ROCK1: variants seen among roughly 807,000 people sequenced by gnomAD.
The protein encoded by ROCK1 is Rho associated coiled-coil containing protein kinase 1, also known as rho-associated protein kinase 1.
A neutral mutation model predicts 196.8 loss-of-function variants in ROCK1; 36 were observed. The ratio of observed to expected loss-of-function variants is 0.18; its 90% CI spans 0.14 to 0.24. The LOEUF is 0.24. Among genes scored for constraint, ROCK1 ranks in the 10% least tolerant of loss-of-function variants. The probability of loss-of-function intolerance (pLI) is 1.00; values close to 1 mark genes in which losing one functional copy is unlikely to be tolerated. For missense variants in ROCK1, 920 were observed against 1,562.0 expected (o/e 0.59, Z 6.93); for synonymous variants, 443 against 515.9 (o/e 0.86, Z 1.91).
chr18:21,000,257 A>G (rs1014850486), intron 16 of ROCK1, among the ~76,000 whole-genome samples: 10 of 150,398 alleles, frequency 6.6e-5, no homozygotes, highest in African/African-American at 2.5e-4. Context: ...TCTATAGTCA[A>G]TTGATTTTCT....
intron 1 of ROCK1, among the ~76,000 whole-genome samples, chr18:21,079,412 A>G (rs1175895448): frequency 6.6e-6 from 1 of 152,222 alleles, no homozygotes; most frequent in Non-Finnish European, 1.5e-5. Context: ...CAAACACCTG[A>G]GTTAAATTTC....
chr18:21,049,016 A>T, intron 4 of ROCK1, 76 bp downstream of exon 4: 1 of 1,327,454 alleles, frequency 7.5e-7, no homozygotes, highest in Non-Finnish European at 9.9e-7. Context: ...TACTATTCTA[A>T]AACACAAACT....
At chr18:21,007,952 G>A (rs1184315072) in intron 14 of ROCK1, 107 bp downstream of exon 14, 12 of 617,876 alleles carry the variant, frequency 1.9e-5, no homozygotes, top group Non-Finnish European at 2.6e-5. Context: ...AGCTTATAAA[G>A]TGTCTTAGGA....
chr18:20,957,951 G>A (rs1423448374), intron 29 of ROCK1, among the ~76,000 whole-genome samples: 1 of 152,146 alleles, frequency 6.6e-6, no homozygotes, highest in Non-Finnish European at 1.5e-5. Context: ...CCAGCCACAA[G>A]TGAGTTTTCT....
At chr18:21,044,208 A>G (rs752041815) in intron 5 of ROCK1, 22 bp from the exon 6 acceptor site, 2 of 1,553,126 alleles carry the variant, frequency 1.3e-6, no homozygotes, top group East Asian at 2.3e-5. Flanking sequence ...AAAAAATAGT[A>G]CAGTATTTTC....
chr18:21,098,584 G>T (rs1182720563), intron 1 of ROCK1, among the ~76,000 whole-genome samples: 1 of 151,032 alleles, frequency 6.6e-6, no homozygotes, highest in Non-Finnish European at 1.5e-5. Flanking sequence ...TTTAAAAATT[G>T]TGCGGCAAAG....
intron 11 of ROCK1, among the ~76,000 whole-genome samples, chr18:21,021,608 T>C (rs1251421759): frequency 1.3e-5 from 2 of 152,192 alleles, no homozygotes; most frequent in African/African-American, 2.4e-5. Flanking sequence ...AGTTGTTCAA[T>C]AGCATCTCTG....
At chr18:21,083,085 C>T (rs559048229) in intron 1 of ROCK1, among the ~76,000 whole-genome samples, 6 of 152,218 alleles carry the variant, frequency 3.9e-5, no homozygotes, top group African/African-American at 1.4e-4. Flanking sequence ...AGAGCAGTTT[C>T]ATTTATAAAA....
intron 18 of ROCK1, among the ~76,000 whole-genome samples, chr18:20,988,425 C>A (rs1334226403): frequency 1.3e-5 from 2 of 152,146 alleles, no homozygotes; most frequent in Non-Finnish European, 2.9e-5. Flanking sequence ...TCCCTCTCTA[C>A]TACTACCAGT....
At chr18:21,048,108 T>C (rs1451077704) in intron 4 of ROCK1, among the ~76,000 whole-genome samples, 2 of 152,088 alleles carry the variant, frequency 1.3e-5, no homozygotes, top group East Asian at 3.9e-4. Context: ...ACCTCCACAA[T>C]TGAACATAAC....
chr18:21,019,568 C>T (rs1264042352), intron 12 of ROCK1, among the ~76,000 whole-genome samples: 1 of 151,774 alleles, frequency 6.6e-6, no homozygotes, highest in Non-Finnish European at 1.5e-5. Flanking sequence ...CCGAGGCGGG[C>T]AGATCACGAG....
At chr18:21,049,938 C>G in intron 2 of ROCK1, 58 bp from the exon 3 acceptor site, 1 of 820,276 alleles carries the variant, frequency 1.2e-6, no homozygotes. Context: ...ACTAGCACTA[C>G]TTATTTTACA....
At chr18:21,060,598 G>A (rs894204417) in intron 2 of ROCK1, among the ~76,000 whole-genome samples, 2 of 152,130 alleles carry the variant, frequency 1.3e-5, no homozygotes, top group African/African-American at 4.8e-5. Context: ...CCAGCACTTT[G>A]GGAGGCCGAG....
chr18:21,034,715 T>C (rs544856303), intron 9 of ROCK1, among the ~76,000 whole-genome samples: 1 of 152,098 alleles, frequency 6.6e-6, no homozygotes, highest in South Asian at 2.1e-4. Context: ...GGTAAGACAT[T>C]TCATGACATT....
rs748546889 is a variant in ROCK1, at chr18:21,110,922, TG to T, written c.-13del. 6.2e-7 allele frequency: 1 copy of T among 1,605,582 alleles called. No homozygotes were observed. Among genetic ancestry groups the T allele is most frequent in the South Asian group, 1.1e-5 (1 of 90,878 alleles). On this transcript the variant is annotated 5_prime_UTR_variant, in exon 1 of 33. Transcript: ENST00000399799. Reference sequence around the variant, plus strand: ...TCCCCAGTCGACATGTTGCTGCTGCTGTGACAATGCCCTCTTACCAGCACCA... The same window carrying T: ...TCCCCAGTCGACATGTTGCTGCTGCTTGACAATGCCCTCTTACCAGCACCA...
At chr18:21,093,722 G>A (rs1199725911) in intron 1 of ROCK1, among the ~76,000 whole-genome samples, 1 of 152,074 alleles carries the variant, frequency 6.6e-6, no homozygotes, top group East Asian at 1.9e-4. Context: ...GGGAGGCCGA[G>A]GCAGGCAGAT....
chr18:21,007,636 C>A (rs2035779435), intron 14 of ROCK1, among the ~76,000 whole-genome samples: 1 of 152,098 alleles, frequency 6.6e-6, no homozygotes, highest in Non-Finnish European at 1.5e-5. Flanking sequence ...ATTTGTAACA[C>A]AAGCATTAAA....
intron 2 of ROCK1, among the ~76,000 whole-genome samples, chr18:21,050,583 C>A (rs1161743505): frequency 6.6e-6 from 1 of 152,174 alleles, no homozygotes; most frequent in Non-Finnish European, 1.5e-5. Flanking sequence ...TGGGTCAACA[C>A]TGGCATGAGA....
At chr18:20,966,883 T>C in intron 27 of ROCK1, 34 bp downstream of exon 27, 1 of 1,514,486 alleles carries the variant, frequency 6.6e-7, no homozygotes, top group African/African-American at 1.4e-5. Context: ...CCATGACATT[T>C]ATACATGTTT....
Sources: gnomAD v4.1 joint callset for allele counts (sites outside exome capture counted in the v4.1 genomes callset) on GRCh38, gnomAD v4.1.1 for gene constraint, MANE v1.5 for transcripts, NCBI Gene and HGNC (gene_info 2026-07-23, HGNC 2026-07-21) for gene names.